The following TDRD3 variants were observed in gnomAD, a reference collection of about 807,000 sequenced individuals.
TDRD3 encodes tudor domain-containing protein 3.
In TDRD3, 45 loss-of-function variants were observed where a neutral mutation model predicts 86.7. That is an observed-to-expected ratio of 0.52 (90% CI 0.41 to 0.67). The LOEUF is 0.67. TDRD3 is among the 30% of genes least tolerant of loss of function. TDRD3 has a pLI of 0.00. For synonymous variants in TDRD3, 298 were observed against 301.7 expected (o/e 0.99, Z 0.13); for missense variants, 814 against 889.0 (o/e 0.92, Z 1.07).
rs767705603 is a variant in TDRD3, at chr13:60,435,918, G to GTT, written c.42-3758_42-3757dup. On this transcript the variant is annotated intron_variant, in intron 1 of 13. Coordinates refer to ENST00000377881, the MANE Select transcript of TDRD3 (RefSeq NM_001146070.2). ...AAACCACATCATGACAACATCTATG[G>GTT]TTTTTTTTTTTTTACTTTTTAATTA... is the stretch of plus-strand genomic sequence containing the variant. Among the ~76,000 whole-genome samples the GTT allele has an allele frequency of 6.4e-5, 8 of 124,762 alleles. No homozygotes were observed. In the South Asian group the frequency reaches 1.1e-3, roughly 18 times the overall value. 81.8% of individuals were successfully genotyped at this position (124,762 alleles called of 152,430 possible). A position where few individuals can be genotyped will look rare whatever the true frequency, so the allele number is the denominator to read the frequency against.
intron 4 of TDRD3, among the ~76,000 whole-genome samples, chr13:60,466,964 A>C (rs1006434073): frequency 6.6e-6 from 1 of 151,858 alleles, no homozygotes; most frequent in Admixed American, 6.6e-5. Context: ...AGAGCTTCAA[A>C]TGTGTGTGTG....
chr13:60,395,761 T>C (rs1953884027), upstream of TDRD3, among the ~76,000 whole-genome samples: 1 of 152,156 alleles, frequency 6.6e-6, no homozygotes, highest in South Asian at 2.1e-4. Flanking sequence ...TATTTACCTT[T>C]AAAATGGCAT....
chr13:60,442,144 GAATATTAAGAAATGACATTGA>G (rs1408994546), intron 2 of TDRD3, among the ~76,000 whole-genome samples: 1 of 151,990 alleles, frequency 6.6e-6, no homozygotes. Flanking sequence ...TGGGGAGTAA[GAATATTAAGAAATGACATTGA>G]AATCCAGCAT....
At chr13:60,465,304 C>T (rs1955894488) in intron 4 of TDRD3, among the ~76,000 whole-genome samples, 1 of 152,112 alleles carries the variant, frequency 6.6e-6, no homozygotes, top group South Asian at 2.1e-4. Context: ...TGTACAATGA[C>T]TGTCAGAGTT....
chr13:60,571,093 A>T (rs1447229213), intron 13 of TDRD3, among the ~76,000 whole-genome samples: 3 of 151,362 alleles, frequency 2.0e-5, no homozygotes, highest in Admixed American at 6.6e-5. Context: ...TGACATCAAT[A>T]AAAAAAAATT....
At chr13:60,529,289 T>C in intron 11 of TDRD3, 72 bp downstream of exon 11, 1 of 1,473,288 alleles carries the variant, frequency 6.8e-7, no homozygotes. Context: ...TTATAGAAGC[T>C]GTCACTTTGG....
chr13:60,425,502 T>C (rs7323536), intron 1 of TDRD3, among the ~76,000 whole-genome samples: 28,058 of 152,148 alleles, frequency 0.18, 3,462 homozygotes, highest in Non-Finnish European at 0.28. Context: ...GCAATCCCTA[T>C]TCTGAGTATA....
At chr13:60,459,830 T>C (rs1299378227) in intron 3 of TDRD3, among the ~76,000 whole-genome samples, 1 of 152,066 alleles carries the variant, frequency 6.6e-6, no homozygotes, top group African/African-American at 2.4e-5. Context: ...CATGTTGGCC[T>C]GGCTGGTCAC....
chr13:60,511,021 C>G (rs1957048074), intron 10 of TDRD3, among the ~76,000 whole-genome samples: 1 of 152,148 alleles, frequency 6.6e-6, no homozygotes, highest in African/African-American at 2.4e-5. Context: ...ACAGATATAA[C>G]TGTGTAAACA....
At chr13:60,430,704 T>C (rs1954933404) in intron 1 of TDRD3, among the ~76,000 whole-genome samples, 1 of 152,152 alleles carries the variant, frequency 6.6e-6, no homozygotes, top group Admixed American at 6.6e-5. Context: ...AAAGGAATTA[T>C]TTACAAATTT....
intron 12 of TDRD3, among the ~76,000 whole-genome samples, chr13:60,541,146 A>ATTTT (rs913156631): frequency 6.7e-6 from 1 of 149,812 alleles, no homozygotes; most frequent in African/African-American, 2.5e-5. Flanking sequence ...TTGTTTTTCT[A>ATTTT]TTCTTTCTTT....
intron 10 of TDRD3, among the ~76,000 whole-genome samples, chr13:60,518,094 G>C (rs1957212676): frequency 6.6e-6 from 1 of 152,206 alleles, no homozygotes; most frequent in Admixed American, 6.5e-5. Flanking sequence ...AGGCCAGGCA[G>C]GTAGTTTAAG....
Position 60,439,830 on chromosome 13 carries a change from A to T in TDRD3, c.126+58A>T. ...AAATCTGGAAGCTGTATTCATAAAA[A>T]AGTCTCAGAGTAAATTGGGTTATAT... On this transcript the variant is annotated intron_variant, in intron 2 of 13. Coordinates refer to ENST00000377881, the MANE Select transcript of TDRD3 (RefSeq NM_001146070.2). 3.2e-6 allele frequency: 4 copies of T among 1,255,470 alleles called. No homozygotes were observed. The South Asian group carries it at 4.8e-5, about 15-fold the overall frequency. The allele number at this position is 1,255,470 out of a possible 1,614,324, so 77.8% of individuals were successfully genotyped here.
In TDRD3 at chr13:60,535,102, C is replaced by T. The variant is rs1165131511; in HGVS notation, c.1993-6C>T. 1.1e-5 allele frequency: 18 copies of T among 1,613,142 alleles called. No individual in the cohort carries two copies. The highest frequency in any genetic ancestry group is 2.2e-5 in the South Asian group (2 of 90,942). On this transcript the variant is annotated splice_region_variant and splice_polypyrimidine_tract_variant and intron_variant, in intron 11 of 13. Coordinates refer to ENST00000377881, the MANE Select transcript of TDRD3 (RefSeq NM_001146070.2). ...GTCATATTTAAAACTCCTTTTGCCT[C>T]CTCAGTTTTACCGGGCAGAAGTTGA...
At chr13:60,543,086 T>C (rs868794689) in intron 12 of TDRD3, among the ~76,000 whole-genome samples, 5 of 152,164 alleles carry the variant, frequency 3.3e-5, no homozygotes, top group African/African-American at 1.2e-4. Flanking sequence ...AATAACTCTT[T>C]TAGTAGCCTG....
At chr13:60,422,567 A>T (rs1270235298) in intron 1 of TDRD3, among the ~76,000 whole-genome samples, 6 of 152,148 alleles carry the variant, frequency 3.9e-5, no homozygotes, top group African/African-American at 1.4e-4. Context: ...AAAACTAAAG[A>T]CAGAAGTGGA....
chr13:60,549,897 A>G (rs1958010100), intron 12 of TDRD3, among the ~76,000 whole-genome samples: 1 of 152,110 alleles, frequency 6.6e-6, no homozygotes, highest in African/African-American at 2.4e-5. Context: ...GAATTATAAA[A>G]CAAAATCCAA....
intron 4 of TDRD3, among the ~76,000 whole-genome samples, chr13:60,462,296 A>G (rs1444746717): frequency 6.6e-6 from 1 of 152,188 alleles, no homozygotes; most frequent in Admixed American, 6.5e-5. Context: ...TCTGAGGAAT[A>G]AAAACACAAG....
intron 1 of TDRD3, among the ~76,000 whole-genome samples, chr13:60,407,280 A>C (rs1954258326): frequency 6.6e-6 from 1 of 152,202 alleles, no homozygotes; most frequent in African/African-American, 2.4e-5. Context: ...CACAGTAGAC[A>C]CTTAAATACT....
Sources: gnomAD v4.1 joint callset for allele counts (sites outside exome capture counted in the v4.1 genomes callset) on GRCh38, gnomAD v4.1.1 for gene constraint, MANE v1.5 for transcripts, NCBI Gene and HGNC (gene_info 2026-07-23, HGNC 2026-07-21) for gene names.